Variants in RABGAP1L observed in about 807,000 individuals in gnomAD.
RABGAP1L encodes RAB GTPase activating protein 1 like.
Under a neutral mutation model 137.7 loss-of-function variants are expected in RABGAP1L, and 63 were observed. The ratio of observed to expected loss-of-function variants is 0.46; its 90% CI spans 0.37 to 0.56. The LOEUF (loss-of-function observed/expected upper bound fraction) is 0.56. Among genes scored for constraint, RABGAP1L ranks in the 20% least tolerant of loss-of-function variants. The pLI, the probability that RABGAP1L is intolerant of heterozygous loss-of-function variation, is 0.00. For missense variants in RABGAP1L, 1,095 were observed against 1,244.0 expected (o/e 0.88, Z 1.80); for synonymous variants, 431 against 433.7 (o/e 0.99, Z 0.08).
intron 19 of RABGAP1L, among the ~76,000 whole-genome samples, chr1:174,860,389 G>T (rs1650081622): frequency 6.6e-6 from 1 of 152,050 alleles, no homozygotes; most frequent in Non-Finnish European, 1.5e-5. Flanking sequence ...AGTTGAGGTT[G>T]CAGTGAGCTG....
intron 19 of RABGAP1L, among the ~76,000 whole-genome samples, chr1:174,909,741 T>A (rs1659749192): frequency 6.6e-6 from 1 of 152,222 alleles, no homozygotes; most frequent in South Asian, 2.1e-4. Flanking sequence ...CGTTAGAGAC[T>A]GTTATGAACA....
rs998796836 is a variant in RABGAP1L, at chr1:174,982,329, C to G, written c.2734-505C>G. ...GCCGCGGTGTGTGATGTTCCCCTCCCTATGACCATGTGTTCTCATTGTTCA... is the reference window on the plus strand; with the variant it reads ...GCCGCGGTGTGTGATGTTCCCCTCCGTATGACCATGTGTTCTCATTGTTCA... On this transcript the variant is annotated intron_variant, in intron 23 of 25. Coordinates refer to ENST00000681986, the MANE Select transcript of RABGAP1L (RefSeq NM_001366446.1). Among the ~76,000 whole-genome samples, 5 of 152,298 alleles carry G rather than the reference C, an allele frequency of 3.3e-5. No individual in the cohort carries two copies. In the South Asian group the frequency reaches 6.2e-4, roughly 19 times the overall value.
intron 13 of RABGAP1L, among the ~76,000 whole-genome samples, chr1:174,555,355 T>C (rs1666804580): frequency 6.6e-6 from 1 of 152,232 alleles, no homozygotes; most frequent in African/African-American, 2.4e-5. Context: ...ATAGACAGAA[T>C]ACCCATCATT....
intron 21 of RABGAP1L, among the ~76,000 whole-genome samples, chr1:174,973,854 G>A (rs1305772432): frequency 6.6e-6 from 1 of 152,092 alleles, no homozygotes; most frequent in Non-Finnish European, 1.5e-5. Context: ...AGGCTTAGTT[G>A]CAGTCTTCTT....
At chr1:174,550,887 T>TAC (rs1265565571) in intron 13 of RABGAP1L, among the ~76,000 whole-genome samples, 11 of 89,916 alleles carry the variant, frequency 1.2e-4, no homozygotes, top group Admixed American at 4.5e-4. Flanking sequence ...TATATATATA[T>TAC]ATATATATAC....
intron 13 of RABGAP1L, among the ~76,000 whole-genome samples, chr1:174,636,212 C>T (rs1416779767): frequency 6.6e-6 from 1 of 152,106 alleles, no homozygotes; most frequent in African/African-American, 2.4e-5. Flanking sequence ...AATTTGTCTT[C>T]AACAAATATC....
At chr1:174,349,058 AC>A (rs1165458309) in intron 11 of RABGAP1L, among the ~76,000 whole-genome samples, 288 of 97,314 alleles carry the variant, frequency 3.0e-3, no homozygotes, top group Non-Finnish European at 4.0e-3. Context: ...GGGGGGGCTG[AC>A]CCCCCCCACC....
intron 13 of RABGAP1L, among the ~76,000 whole-genome samples, chr1:174,539,203 A>T (rs900325134): frequency 3.9e-5 from 6 of 152,046 alleles, no homozygotes; most frequent in Non-Finnish European, 7.4e-5. Flanking sequence ...GCTTAGTTGG[A>T]GGTTAAACTT....
chr1:174,742,119 G>C (rs1268316392), intron 17 of RABGAP1L, among the ~76,000 whole-genome samples: 1 of 114,022 alleles, frequency 8.8e-6, no homozygotes, highest in East Asian at 2.8e-4. Context: ...AGGAGGGGGA[G>C]GGGGAGGAGG....
At chr1:174,512,483 G>A (rs1011081897) in intron 13 of RABGAP1L, among the ~76,000 whole-genome samples, 4 of 152,190 alleles carry the variant, frequency 2.6e-5, no homozygotes, top group African/African-American at 9.7e-5. Flanking sequence ...ATATACATAA[G>A]AAGTGAGTGT....
chr1:174,161,288 G>A (rs985252027), intron 1 of RABGAP1L, among the ~76,000 whole-genome samples: 2 of 151,618 alleles, frequency 1.3e-5, no homozygotes, highest in Non-Finnish European at 2.9e-5. Flanking sequence ...TGATGCCCAG[G>A]CTGGAGTGCA....
intron 11 of RABGAP1L, among the ~76,000 whole-genome samples, chr1:174,312,364 A>G (rs569596568): frequency 3.3e-5 from 5 of 152,234 alleles, no homozygotes; most frequent in African/African-American, 9.6e-5. Flanking sequence ...ATCTTTTCAT[A>G]TGCCTGTTTG....
At chr1:174,516,155 A>ACACACC (rs1464810885) in intron 13 of RABGAP1L, among the ~76,000 whole-genome samples, 1 of 148,680 alleles carries the variant, frequency 6.7e-6, no homozygotes, top group African/African-American at 2.5e-5. Context: ...ACACACACAC[A>ACACACC]CACACACACA....
chr1:174,887,896 G>T (rs1655430749), intron 19 of RABGAP1L, among the ~76,000 whole-genome samples: 1 of 152,096 alleles, frequency 6.6e-6, no homozygotes, highest in Non-Finnish European at 1.5e-5. Flanking sequence ...AATTAGCTGG[G>T]TGTGGTGGCA....
chr1:174,469,827 A>G (rs1393110095), intron 13 of RABGAP1L, among the ~76,000 whole-genome samples: 1 of 152,188 alleles, frequency 6.6e-6, no homozygotes, highest in Non-Finnish European at 1.5e-5. Flanking sequence ...ACTCAGTTCC[A>G]GTTCCTGACA....
chr1:174,584,627 A>G (rs1053914401), intron 13 of RABGAP1L, among the ~76,000 whole-genome samples: 1 of 152,148 alleles, frequency 6.6e-6, no homozygotes, highest in Non-Finnish European at 1.5e-5. Flanking sequence ...TATATATATC[A>G]TTCTTGGTGA....
intron 13 of RABGAP1L, among the ~76,000 whole-genome samples, chr1:174,399,426 A>G (rs1222069076): frequency 1.3e-5 from 2 of 152,150 alleles, no homozygotes; most frequent in Non-Finnish European, 2.9e-5. Context: ...CTTTTGGTCC[A>G]GTTAATTTTT....
intron 11 of RABGAP1L, among the ~76,000 whole-genome samples, chr1:174,312,878 G>A (rs1043734506): frequency 2.6e-5 from 4 of 151,966 alleles, no homozygotes; most frequent in Non-Finnish European, 5.9e-5. Flanking sequence ...GTCTGTTTTT[G>A]GCACCTTTGT....
chr1:174,334,555 A>G (rs1325914240), intron 11 of RABGAP1L, among the ~76,000 whole-genome samples: 1 of 152,198 alleles, frequency 6.6e-6, no homozygotes. Flanking sequence ...TACCACTCTC[A>G]GCCTCATAAA....
Sources: allele counts gnomAD v4.1 joint callset (sites outside exome capture counted in the v4.1 genomes callset), GRCh38; gene constraint gnomAD v4.1.1; transcripts MANE v1.5; gene names NCBI Gene and HGNC (gene_info 2026-07-23, HGNC 2026-07-21).